Variants in SLC4A10 observed in about 807,000 individuals in gnomAD.
SLC4A10 encodes sodium-driven chloride bicarbonate exchanger.
SLC4A10 carries 42 observed loss-of-function variants against 137.7 expected under a neutral mutation model. The observed-to-expected ratio is 0.30, with a 90% CI of 0.24 to 0.39. SLC4A10 has a LOEUF of 0.39. Among genes scored for constraint, SLC4A10 ranks in the 10% least tolerant of loss-of-function variants. SLC4A10 has a pLI of 1.00. For synonymous variants in SLC4A10, 474 were observed against 464.1 expected (o/e 1.02, Z -0.27); for missense variants, 925 against 1,355.0 (o/e 0.68, Z 4.98).
At chr2:161,969,986 C>T (rs1698238611) in intron 23 of SLC4A10, among the ~76,000 whole-genome samples, 1 of 152,146 alleles carries the variant, frequency 6.6e-6, no homozygotes. Flanking sequence ...GCCACATCAG[C>T]CAACACCTGG....
intron 10 of SLC4A10, among the ~76,000 whole-genome samples, chr2:161,894,261 T>G (rs1343471177): frequency 6.6e-6 from 1 of 152,080 alleles, no homozygotes; most frequent in Non-Finnish European, 1.5e-5. Flanking sequence ...AAAATTAACC[T>G]TTTAAATTAA....
rs1700479561 is a variant in SLC4A10, at chr2:161,983,339, C to T, written c.*187C>T. 7 of 1,143,998 alleles carry T rather than the reference C, an allele frequency of 6.1e-6. No homozygotes were observed. The highest frequency in any genetic ancestry group is 2.2e-5 in the Admixed American group (1 of 44,852). 70.9% of individuals were successfully genotyped at this position (1,143,998 alleles called of 1,614,324 possible). On this transcript the variant is annotated 3_prime_UTR_variant, in exon 27 of 27. Coordinates refer to ENST00000446997, the MANE Select transcript of SLC4A10 (RefSeq NM_001178015.2). ...ATCATGTATTGTAAATTCTGTCCCTCAACCCAAATCCACCTTCATACTGTA... is the reference window on the plus strand; with the variant it reads ...ATCATGTATTGTAAATTCTGTCCCTTAACCCAAATCCACCTTCATACTGTA...
intron 23 of SLC4A10, among the ~76,000 whole-genome samples, chr2:161,969,916 G>A (rs1431406047): frequency 6.6e-6 from 1 of 152,084 alleles, no homozygotes; most frequent in Non-Finnish European, 1.5e-5. Flanking sequence ...TCTTAGAGTG[G>A]GGCAAGCATA....
chr2:161,908,353 G>A (rs1330012433), intron 15 of SLC4A10, among the ~76,000 whole-genome samples: 7 of 145,010 alleles, frequency 4.8e-5, no homozygotes, highest in Admixed American at 1.4e-4. Flanking sequence ...ACCAAACACC[G>A]CATGTTCTCA....
At chr2:161,719,991 A>T (rs904969183) in intron 1 of SLC4A10, among the ~76,000 whole-genome samples, 26 of 152,160 alleles carry the variant, frequency 1.7e-4, no homozygotes, top group African/African-American at 6.0e-4. Context: ...CTGAATGGTA[A>T]TGCCTAGGTT....
chr2:161,798,588 C>T (rs2055034091), intron 2 of SLC4A10, among the ~76,000 whole-genome samples: 1 of 151,568 alleles, frequency 6.6e-6, no homozygotes, highest in South Asian at 2.1e-4. Context: ...AGCCACACAA[C>T]TTAAGTGTCA....
intron 3 of SLC4A10, among the ~76,000 whole-genome samples, chr2:161,821,031 C>T (rs1013246805): frequency 3.3e-5 from 5 of 152,122 alleles, no homozygotes; most frequent in African/African-American, 1.2e-4. Flanking sequence ...TTCTTGATTA[C>T]CAATGAAATT....
chr2:161,818,486 T>A (rs1009295418), intron 3 of SLC4A10, among the ~76,000 whole-genome samples: 5 of 152,214 alleles, frequency 3.3e-5, no homozygotes, highest in African/African-American at 1.2e-4. Flanking sequence ...TCCTGCCTGA[T>A]TGCTCTGGCC....
chr2:161,731,325 T>C (rs2046802998), intron 1 of SLC4A10, among the ~76,000 whole-genome samples: 1 of 152,176 alleles, frequency 6.6e-6, no homozygotes, highest in South Asian at 2.1e-4. Flanking sequence ...GGGAAAACTT[T>C]TGCAATGCTG....
chr2:161,815,522 T>A (rs139748971), intron 3 of SLC4A10, among the ~76,000 whole-genome samples: 2 of 152,242 alleles, frequency 1.3e-5, no homozygotes, highest in African/African-American at 4.8e-5. Context: ...GGAAGCTCTT[T>A]ATCACAGTGT....
chr2:161,731,048 T>C (rs1353220271), intron 1 of SLC4A10, among the ~76,000 whole-genome samples: 1 of 152,172 alleles, frequency 6.6e-6, no homozygotes, highest in Non-Finnish European at 1.5e-5. Flanking sequence ...ATTGTACTAG[T>C]TTGCTTGTTT....
intron 1 of SLC4A10, among the ~76,000 whole-genome samples, chr2:161,707,735 G>A (rs2043847099): frequency 1.3e-5 from 2 of 151,496 alleles, no homozygotes; most frequent in African/African-American, 4.8e-5. Context: ...TTTAGCATTT[G>A]ATAATACCAC....
chr2:161,732,520 T>A (rs2046922711), intron 1 of SLC4A10, among the ~76,000 whole-genome samples: 1 of 152,222 alleles, frequency 6.6e-6, no homozygotes, highest in Non-Finnish European at 1.5e-5. Flanking sequence ...ATTGCTAGAT[T>A]TCCATTCAGT....
intron 21 of SLC4A10, among the ~76,000 whole-genome samples, chr2:161,960,546 C>T (rs1320232835): frequency 6.6e-6 from 1 of 151,368 alleles, no homozygotes; most frequent in Non-Finnish European, 1.5e-5. Context: ...ATGGCAAAAT[C>T]TAGTCTCTAC....
In SLC4A10 at chr2:161,957,268, A is replaced by C. The variant is rs184869956; in HGVS notation, c.2793+28A>C. ...AACAAAATCTGTCTTTATGAACTTG[A>C]GAGAAAGAATACATTTATCATCATT... On this transcript the variant is annotated intron_variant, in intron 20 of 26. Transcript: ENST00000446997. 8.6e-5 allele frequency: 137 copies of C among 1,596,778 alleles called. No individual in the cohort carries two copies. In the African/African-American group the frequency reaches 1.6e-3, roughly 19 times the overall value.
chr2:161,626,255 A>T (rs920157246), intron 1 of SLC4A10, among the ~76,000 whole-genome samples: 1 of 152,040 alleles, frequency 6.6e-6, no homozygotes. Context: ...TGGCTTATGG[A>T]TTGTCACTTG....
chr2:161,648,016 A>G (rs550168434), intron 1 of SLC4A10, among the ~76,000 whole-genome samples: 50 of 152,218 alleles, frequency 3.3e-4, no homozygotes, highest in Non-Finnish European at 3.5e-4. Context: ...ATATTACTAT[A>G]TCTATGATCT....
At chr2:161,919,648 T>C (rs967546135) in intron 15 of SLC4A10, among the ~76,000 whole-genome samples, 1 of 152,118 alleles carries the variant, frequency 6.6e-6, no homozygotes, top group Non-Finnish European at 1.5e-5. Flanking sequence ...TGTCACTCAA[T>C]AAAGCCCCTC....
intron 19 of SLC4A10, among the ~76,000 whole-genome samples, chr2:161,956,166 A>T (rs1402492599): frequency 6.6e-6 from 1 of 152,196 alleles, no homozygotes; most frequent in Admixed American, 6.5e-5. Flanking sequence ...TATTCAACAG[A>T]TATTATTCCA....
Sources: gnomAD v4.1 joint callset for allele counts (sites outside exome capture counted in the v4.1 genomes callset) on GRCh38, gnomAD v4.1.1 for gene constraint, MANE v1.5 for transcripts, NCBI Gene and HGNC (gene_info 2026-07-23, HGNC 2026-07-21) for gene names.